Variants in PTPRD observed in about 807,000 individuals in gnomAD.
The protein encoded by PTPRD is receptor-type tyrosine-protein phosphatase delta.
In PTPRD, 34 loss-of-function variants were observed where a neutral mutation model predicts 214.5. The observed-to-expected ratio is 0.16, with a 90% CI of 0.12 to 0.21. The LOEUF (loss-of-function observed/expected upper bound fraction) is 0.21. Ranked by LOEUF, PTPRD falls within the 10% of genes least tolerant of loss-of-function variation. The probability of loss-of-function intolerance (pLI) is 1.00; values close to 1 mark genes in which losing one functional copy is unlikely to be tolerated. For synonymous variants in PTPRD, 1,128 were observed against 845.7 expected (o/e 1.33, Z -5.79); for missense variants, 2,545 against 2,398.7 (o/e 1.06, Z -1.27).
rs759799076 is a variant in PTPRD at position 9,524,896 on chromosome 9, T to C, written c.-237+49836A>G. ...TTGTTGAGACGGAGTCTCGCTCTGT[T>C]GCCCAGGCTGGAGTACAGTGGCGCA... On this transcript the variant is annotated intron_variant, in intron 8 of 45. Transcript: ENST00000381196. 2.2e-3 allele frequency among the ~76,000 whole-genome samples: 338 copies of C among 152,292 alleles called. 4 individuals carry two copies. Among genetic ancestry groups the C allele is most frequent in the Non-Finnish European group, 2.0e-3 (135 of 68,016 alleles).
At chr9:8,952,016 T>TAC (rs2099104661) in intron 11 of PTPRD, among the ~76,000 whole-genome samples, 1 of 151,964 alleles carries the variant, frequency 6.6e-6, no homozygotes, top group African/African-American at 2.4e-5. Flanking sequence ...ATAATATATA[T>TAC]ACACATATAT....
intron 11 of PTPRD, among the ~76,000 whole-genome samples, chr9:8,919,158 T>G (rs1366468227): frequency 1.3e-5 from 2 of 152,064 alleles, no homozygotes. Flanking sequence ...TTTAGGAGGC[T>G]AAGGTGGGTG....
chr9:8,762,417 C>G (rs2154477452), intron 11 of PTPRD, among the ~76,000 whole-genome samples: 1 of 152,228 alleles, frequency 6.6e-6, no homozygotes, highest in East Asian at 1.9e-4. Flanking sequence ...TGATAGAATA[C>G]AGATTTACAA....
chr9:8,781,948 G>GGACAT (rs1407003129), intron 11 of PTPRD, among the ~76,000 whole-genome samples: 5 of 151,642 alleles, frequency 3.3e-5, no homozygotes, highest in African/African-American at 9.7e-5. Flanking sequence ...AAAGTATGGT[G>GGACAT]TTAGCAGTGG....
intron 2 of PTPRD, among the ~76,000 whole-genome samples, chr9:10,572,850 C>T (rs2067913291): frequency 1.3e-5 from 2 of 152,070 alleles, no homozygotes; most frequent in African/African-American, 2.4e-5. Context: ...ATCCACAGAG[C>T]TCACTCCAAT....
At chr9:10,500,795 G>C (rs1167081783) in intron 2 of PTPRD, among the ~76,000 whole-genome samples, 1 of 151,910 alleles carries the variant, frequency 6.6e-6, no homozygotes. Context: ...GCAAGGACAT[G>C]AGAAGTGTGT....
chr9:9,842,136 A>C (rs930609694), intron 5 of PTPRD, among the ~76,000 whole-genome samples: 1 of 151,946 alleles, frequency 6.6e-6, no homozygotes, highest in African/African-American at 2.4e-5. Flanking sequence ...TCATGAGTGA[A>C]AACTAAGAAG....
intron 12 of PTPRD, among the ~76,000 whole-genome samples, chr9:8,649,063 T>A (rs1316765165): frequency 6.6e-6 from 1 of 152,182 alleles, no homozygotes; most frequent in Admixed American, 6.5e-5. Flanking sequence ...AAAACTGAAG[T>A]GGGAAAGAAA....
intron 11 of PTPRD, among the ~76,000 whole-genome samples, chr9:8,779,074 G>T (rs1033813067): frequency 6.6e-6 from 1 of 152,126 alleles, no homozygotes; most frequent in Admixed American, 6.5e-5. Context: ...AATGTCAGAG[G>T]CAAGCCCTGG....
At chr9:9,663,446 T>C (rs976511796) in intron 7 of PTPRD, among the ~76,000 whole-genome samples, 7 of 151,514 alleles carry the variant, frequency 4.6e-5, no homozygotes, top group African/African-American at 1.7e-4. Context: ...AACACAGAAT[T>C]CAACCCAGAT....
intron 10 of PTPRD, among the ~76,000 whole-genome samples, chr9:9,127,052 G>T (rs2099835080): frequency 6.9e-6 from 1 of 145,682 alleles, no homozygotes; most frequent in Non-Finnish European, 1.5e-5. Flanking sequence ...CATGCACAAG[G>T]AACAAACCCA....
intron 2 of PTPRD, among the ~76,000 whole-genome samples, chr9:10,480,214 GT>G (rs2099089088): frequency 6.6e-6 from 1 of 152,138 alleles, no homozygotes. Flanking sequence ...AACTTGGTTT[GT>G]CCCCAATACA....
At chr9:9,576,572 A>T (rs2088890388) in intron 7 of PTPRD, among the ~76,000 whole-genome samples, 1 of 152,204 alleles carries the variant, frequency 6.6e-6, no homozygotes, top group Non-Finnish European at 1.5e-5. Context: ...AATGAATTAG[A>T]GTGACCTTCT....
At chr9:9,286,272 G>C (rs1345293244) in intron 9 of PTPRD, among the ~76,000 whole-genome samples, 1 of 151,730 alleles carries the variant, frequency 6.6e-6, no homozygotes, top group Non-Finnish European at 1.5e-5. Flanking sequence ...GGCTCCAAAA[G>C]GGATTTTTAA....
intron 14 of PTPRD, among the ~76,000 whole-genome samples, chr9:8,557,464 C>T (rs61589979): frequency 0.056 from 7,288 of 130,016 alleles, 1,109 homozygotes; most frequent in African/African-American, 0.27. Flanking sequence ...ATATTTGGGC[C>T]GGGCGCGGTG....
At chr9:10,060,278 A>G (rs2097734376) in intron 3 of PTPRD, among the ~76,000 whole-genome samples, 1 of 152,090 alleles carries the variant, frequency 6.6e-6, no homozygotes, top group Non-Finnish European at 1.5e-5. Context: ...TTTTTAAAAA[A>G]TAGAAGGAAA....
At chr9:9,034,609 C>G (rs934202716) in intron 10 of PTPRD, among the ~76,000 whole-genome samples, 3 of 152,072 alleles carry the variant, frequency 2.0e-5, no homozygotes, top group African/African-American at 7.2e-5. Flanking sequence ...GTGGTGACGG[C>G]CTTTTCTTCC....
chr9:10,083,230 A>G (rs902252523), intron 3 of PTPRD, among the ~76,000 whole-genome samples: 1 of 152,012 alleles, frequency 6.6e-6, no homozygotes, highest in Non-Finnish European at 1.5e-5. Flanking sequence ...CTCATACATG[A>G]TATCTTACAG....
chr9:9,168,354 C>T (rs1420017804), intron 10 of PTPRD, among the ~76,000 whole-genome samples: 5 of 152,212 alleles, frequency 3.3e-5, no homozygotes, highest in Non-Finnish European at 7.4e-5. Context: ...TTTTATCTTG[C>T]CTTTTTAACC....
Sources: gnomAD v4.1 joint callset for allele counts (sites outside exome capture counted in the v4.1 genomes callset) on GRCh38, gnomAD v4.1.1 for gene constraint, MANE v1.5 for transcripts, NCBI Gene and HGNC (gene_info 2026-07-23, HGNC 2026-07-21) for gene names.